CNTN6: variants seen among roughly 807,000 people sequenced by gnomAD.
The protein encoded by CNTN6 is contactin-6.
In CNTN6, 137 loss-of-function variants were observed where a neutral mutation model predicts 122.8. The observed-to-expected ratio is 1.12, with a 90% confidence interval of 0.97 to 1.29. CNTN6 has a LOEUF of 1.29. Ranked by LOEUF, CNTN6 falls within the 50% of genes most tolerant of loss-of-function variation. The pLI is 0.00. For synonymous variants in CNTN6, 570 were observed against 426.0 expected (o/e 1.34, Z -4.16); for missense variants, 1,634 against 1,223.4 (o/e 1.34, Z -5.01).
intron 2 of CNTN6, among the ~76,000 whole-genome samples, chr3:1,206,456 A>C (rs778032780): frequency 6.6e-6 from 1 of 152,026 alleles, no homozygotes; most frequent in Non-Finnish European, 1.5e-5. Flanking sequence ...CCTCCCTGTC[A>C]CCACCAGGGT....
chr3:1,305,257 T>G (rs1447964398), intron 7 of CNTN6, among the ~76,000 whole-genome samples: 1 of 152,202 alleles, frequency 6.6e-6, no homozygotes, highest in East Asian at 1.9e-4. Context: ...GTGAAGTGTT[T>G]ACTCATATAA....
chr3:1,353,873 G>A (rs996853192), intron 12 of CNTN6, among the ~76,000 whole-genome samples: 56 of 151,456 alleles, frequency 3.7e-4, no homozygotes, highest in African/African-American at 1.3e-3. Context: ...GAAATAGAAG[G>A]GATAGAAAAC....
chr3:1,223,613 C>A (rs1037823852), intron 3 of CNTN6, among the ~76,000 whole-genome samples: 3 of 152,148 alleles, frequency 2.0e-5, no homozygotes, highest in Non-Finnish European at 2.9e-5. Context: ...TAGCAATGAA[C>A]TTAGTTCTAC....
At chr3:1,313,893 G>A (rs1575662571) in intron 7 of CNTN6, among the ~76,000 whole-genome samples, 3 of 151,950 alleles carry the variant, frequency 2.0e-5, no homozygotes, top group Admixed American at 2.0e-4. Flanking sequence ...GTCCTCGCAT[G>A]GTGGAAGAGA....
chr3:1,388,103 G>A (rs1008490920), intron 20 of CNTN6, among the ~76,000 whole-genome samples: 1 of 152,114 alleles, frequency 6.6e-6, no homozygotes, highest in Non-Finnish European at 1.5e-5. Flanking sequence ...TCCACCTCTC[G>A]GGGCAGGGCA....
At chr3:1,391,633 G>C (rs13074877) in intron 20 of CNTN6, among the ~76,000 whole-genome samples, 10 of 151,290 alleles carry the variant, frequency 6.6e-5, no homozygotes, top group East Asian at 1.9e-4. Flanking sequence ...TTGCAGATGA[G>C]ATGATTGTAT....
intron 1 of CNTN6, among the ~76,000 whole-genome samples, chr3:1,116,682 T>A (rs1184885515): frequency 1.4e-5 from 2 of 147,358 alleles, no homozygotes; most frequent in African/African-American, 5.0e-5. Context: ...CAATGGAGAA[T>A]GCCAAGTCAT....
chr3:1,281,394 G>A (rs6806144), intron 5 of CNTN6, among the ~76,000 whole-genome samples: 52,837 of 151,182 alleles, frequency 0.35, 9,715 homozygotes, highest in Non-Finnish European at 0.41. Flanking sequence ...TCGTGTGTAA[G>A]TATTAAACAA....
chr3:1,220,850 C>G (rs115962754), intron 3 of CNTN6, 37 bp downstream of exon 3: 2 of 1,561,500 alleles, frequency 1.3e-6, no homozygotes, highest in Non-Finnish European at 1.7e-6. Flanking sequence ...CTATTTTGTT[C>G]TTCCTCACTG....
chr3:1,238,388 A>G (rs2094446077), intron 4 of CNTN6, among the ~76,000 whole-genome samples: 1 of 152,222 alleles, frequency 6.6e-6, no homozygotes, highest in Non-Finnish European at 1.5e-5. Context: ...ACAGGAAAAT[A>G]TCACAGTTCT....
intron 4 of CNTN6, among the ~76,000 whole-genome samples, chr3:1,255,072 C>G (rs1383833698): frequency 2.6e-5 from 4 of 152,100 alleles, no homozygotes; most frequent in Non-Finnish European, 5.9e-5. Context: ...CTCCAGCCTG[C>G]TACTCCAGGC....
chr3:1,158,190 A>G (rs1372096014), intron 2 of CNTN6, among the ~76,000 whole-genome samples: 3 of 152,158 alleles, frequency 2.0e-5, no homozygotes, highest in Non-Finnish European at 4.4e-5. Context: ...CCTTACCAGC[A>G]TTTGTTATTG....
At chr3:1,377,809 T>C (rs933051274) in intron 17 of CNTN6, among the ~76,000 whole-genome samples, 1 of 152,158 alleles carries the variant, frequency 6.6e-6, no homozygotes, top group Admixed American at 6.5e-5. Flanking sequence ...AGGTTGGTGT[T>C]GGTAGGGGAG....
At chr3:1,356,465 C>T (rs770048193) in intron 12 of CNTN6, among the ~76,000 whole-genome samples, 3 of 151,676 alleles carry the variant, frequency 2.0e-5, no homozygotes, top group East Asian at 3.9e-4. Flanking sequence ...CAGAATGATA[C>T]GGGTCTAAGT....
At chr3:1,206,175 A>G (rs3902672) in intron 2 of CNTN6, among the ~76,000 whole-genome samples, 86,551 of 151,890 alleles carry the variant, frequency 0.57, 26,208 homozygotes, top group East Asian at 0.82. Flanking sequence ...CATATCTCTA[A>G]TCCAAATACT....
rs144538130 is a variant in CNTN6, at chr3:1,195,689, GA to G, written c.56-24995del. On this transcript the variant is annotated intron_variant, in intron 2 of 22. Coordinates refer to ENST00000446702, the MANE Select transcript of CNTN6 (RefSeq NM_001289080.2). ...TGCCTTCTTAGTTTACCTTTTGAAT[GA>G]AACTGAGTGTCTCCAAACATTTTCA... Among the ~76,000 whole-genome samples, 770 of 152,250 alleles carry G rather than the reference GA, an allele frequency of 5.1e-3. 3 individuals carry two copies. Among genetic ancestry groups the G allele is most frequent in the African/African-American group, 0.018 (737 of 41,540 alleles).
intron 1 of CNTN6, among the ~76,000 whole-genome samples, chr3:1,097,464 T>A (rs1025241337): frequency 8.5e-5 from 13 of 152,208 alleles, no homozygotes; most frequent in South Asian, 4.1e-4. Flanking sequence ...TCGTATGAAG[T>A]ATTATAAAAA....
chr3:1,129,775 T>C (rs890782609), intron 1 of CNTN6, among the ~76,000 whole-genome samples: 3 of 152,122 alleles, frequency 2.0e-5, no homozygotes, highest in Non-Finnish European at 4.4e-5. Flanking sequence ...ATGTGACTTC[T>C]ACATGAATTT....
chr3:1,172,632 G>C (rs761779242), intron 2 of CNTN6, among the ~76,000 whole-genome samples: 23,157 of 79,196 alleles, frequency 0.29, 2,094 homozygotes, highest in African/African-American at 0.4. Flanking sequence ...GTGTGTGTGT[G>C]TGTGTGTGTG....
Sources: allele counts gnomAD v4.1 joint callset (sites outside exome capture counted in the v4.1 genomes callset), GRCh38; gene constraint gnomAD v4.1.1; transcripts MANE v1.5; gene names NCBI Gene and HGNC (gene_info 2026-07-23, HGNC 2026-07-21).